The following MYO3A variants were observed in gnomAD, a reference collection of about 807,000 sequenced individuals.
MYO3A encodes myosin-IIIa.
A neutral mutation model predicts 192.7 loss-of-function variants in MYO3A; 180 were observed. The ratio of observed to expected loss-of-function variants is 0.93; its 90% CI spans 0.83 to 1.06. MYO3A has a LOEUF of 1.06. MYO3A is among the 50% of genes least tolerant of loss of function. MYO3A has a pLI of 0.00. For synonymous variants in MYO3A, 628 were observed against 645.3 expected, an observed-to-expected ratio of 0.97 and a Z score of 0.41; for missense variants, 1,896 against 1,905.0, an observed-to-expected ratio of 1.00 and a Z score of 0.09.
chr10:26,003,977 C>G (rs867058062), intron 6 of MYO3A, among the ~76,000 whole-genome samples: 2 of 152,120 alleles, frequency 1.3e-5, no homozygotes, highest in East Asian at 1.9e-4. Flanking sequence ...TTTTTAGCAC[C>G]AAGTGAGGCA....
intron 10 of MYO3A, among the ~76,000 whole-genome samples, chr10:26,034,832 A>G (rs1215737925): frequency 6.6e-6 from 1 of 151,546 alleles, no homozygotes; most frequent in Admixed American, 6.6e-5. Context: ...ATATTTATAT[A>G]TTTAATATAT....
At chr10:26,174,668 C>T in intron 30 of MYO3A, 111 bp downstream of exon 30, 1 of 903,008 alleles carries the variant, frequency 1.1e-6, no homozygotes, top group Non-Finnish European at 1.7e-6. Flanking sequence ...CGTTGATGGG[C>T]CCGCAAACAT....
chr10:26,179,814 A>T (rs1361702519), intron 31 of MYO3A, among the ~76,000 whole-genome samples: 1 of 152,198 alleles, frequency 6.6e-6, no homozygotes, highest in African/African-American at 2.4e-5. Context: ...TTTTTTAAAA[A>T]CTATTGTTCA....
intron 34 of MYO3A, among the ~76,000 whole-genome samples, chr10:26,208,141 G>A (rs1844060327): frequency 6.6e-6 from 1 of 152,056 alleles, no homozygotes; most frequent in Non-Finnish European, 1.5e-5. Context: ...TGGCACTAGA[G>A]GAAAAGAGGA....
intron 23 of MYO3A, among the ~76,000 whole-genome samples, chr10:26,148,620 A>G (rs1173525753): frequency 3.3e-5 from 5 of 152,204 alleles, no homozygotes; most frequent in Non-Finnish European, 7.3e-5. Flanking sequence ...AAATCTTCCA[A>G]TCAGCACAGT....
At chr10:26,207,630 A>G (rs1165120360) in intron 34 of MYO3A, among the ~76,000 whole-genome samples, 4 of 152,216 alleles carry the variant, frequency 2.6e-5, no homozygotes, top group Non-Finnish European at 4.4e-5. Context: ...CTGTTGGTCT[A>G]TGCATCTGTT....
At chr10:26,065,585 C>CAAAAAA (rs33982842) in intron 10 of MYO3A, among the ~76,000 whole-genome samples, 2 of 23,262 alleles carry the variant, frequency 8.6e-5, no homozygotes, top group Non-Finnish European at 7.8e-5. Flanking sequence ...ACTCCATCTC[C>CAAAAAA]AAAAAAAAAA....
intron 7 of MYO3A, among the ~76,000 whole-genome samples, chr10:26,020,553 A>G (rs1842247968): frequency 6.6e-6 from 1 of 152,232 alleles, no homozygotes; most frequent in South Asian, 2.1e-4. Flanking sequence ...TACTGTATTT[A>G]AATGACACAA....
chr10:26,197,842 A>T (rs926823808), intron 32 of MYO3A, among the ~76,000 whole-genome samples: 2 of 152,238 alleles, frequency 1.3e-5, no homozygotes, highest in Admixed American at 6.5e-5. Flanking sequence ...CTGGAATTAC[A>T]GGCGTGAGCC....
At chr10:26,142,223 C>T (rs1840205646) in intron 20 of MYO3A, among the ~76,000 whole-genome samples, 4 of 152,208 alleles carry the variant, frequency 2.6e-5, no homozygotes, top group Admixed American at 2.6e-4. Flanking sequence ...TAGTGTTCCA[C>T]TCGAGTCAGT....
chr10:26,068,727 A>G (rs776963772), intron 11 of MYO3A, 41 bp from the exon 12 acceptor site: 4 of 1,333,668 alleles, frequency 3.0e-6, no homozygotes, highest in African/African-American at 2.9e-5. Flanking sequence ...GTTGACCACA[A>G]ATAATTTTTA....
At chr10:25,941,868 C>T (rs967115721) in intron 2 of MYO3A, among the ~76,000 whole-genome samples, 8 of 152,118 alleles carry the variant, frequency 5.3e-5, no homozygotes, top group Non-Finnish European at 1.0e-4. Flanking sequence ...TTTCCCTTTG[C>T]GACTGGCTTA....
chr10:26,099,128 C>G (rs1837260034), intron 17 of MYO3A, among the ~76,000 whole-genome samples: 1 of 152,128 alleles, frequency 6.6e-6, no homozygotes, highest in African/African-American at 2.4e-5. Context: ...TCCTTCATGT[C>G]CCTTGTAAGT....
chr10:26,036,121 A>G (rs1368444282), intron 10 of MYO3A, among the ~76,000 whole-genome samples: 2 of 151,590 alleles, frequency 1.3e-5, no homozygotes, highest in African/African-American at 4.8e-5. Flanking sequence ...ATTTTTTTTT[A>G]GTAGAGATGG....
Position 26,019,217 on chromosome 10 carries a change from C to CTATTTATT in MYO3A, c.586-2240_586-2233dup, listed in dbSNP as rs201592333. Among the ~76,000 whole-genome samples the CTATTTATT allele has an allele frequency of 8.0e-4, 112 of 139,554 alleles. 2 individuals are homozygous for CTATTTATT. Among genetic ancestry groups the CTATTTATT allele is most frequent in the African/African-American group, 2.8e-3 (106 of 37,718 alleles). 91.6% of individuals were successfully genotyped at this position (139,554 alleles called of 152,430 possible). A position where few individuals can be genotyped will look rare whatever the true frequency, so the allele number is the denominator to read the frequency against. ...TGTGGACTGGCCTTTTCTGGTTATTCTATTTATTTATTTATTTATTTATTT... is the reference window on the plus strand; with the variant it reads ...TGTGGACTGGCCTTTTCTGGTTATTCTATTTATTTATTTATTTATTTATTTATTTATTT... On this transcript the variant is annotated intron_variant, in intron 7 of 34. Transcript: ENST00000642920.
chr10:26,191,042 A>G (rs1338897855), intron 31 of MYO3A, among the ~76,000 whole-genome samples: 1 of 152,222 alleles, frequency 6.6e-6, no homozygotes, highest in Non-Finnish European at 1.5e-5. Context: ...TTTAAATAAT[A>G]TTGAAGCCAA....
intron 19 of MYO3A, 30 bp from the exon 20 acceptor site, chr10:26,128,361 C>T (rs1839333718): frequency 3.1e-6 from 5 of 1,606,096 alleles, no homozygotes; most frequent in Non-Finnish European, 4.3e-6. Context: ...CAGGAAATAA[C>T]TCAAAATAAT....
At chr10:26,172,458 C>T (rs1842098004) in intron 29 of MYO3A, among the ~76,000 whole-genome samples, 1 of 152,186 alleles carries the variant, frequency 6.6e-6, no homozygotes, top group Admixed American at 6.5e-5. Context: ...AGTAGAGTTG[C>T]CTGAGCCCAG....
At chr10:25,965,995 A>G (rs1838240449) in intron 4 of MYO3A, among the ~76,000 whole-genome samples, 1 of 149,906 alleles carries the variant, frequency 6.7e-6, no homozygotes. Flanking sequence ...TGCCTCCTTC[A>G]GCAATATGAA....
Sources: gnomAD v4.1 joint callset for allele counts (sites outside exome capture counted in the v4.1 genomes callset) on GRCh38, gnomAD v4.1.1 for gene constraint, MANE v1.5 for transcripts, NCBI Gene and HGNC (gene_info 2026-07-23, HGNC 2026-07-21) for gene names.